PCDH15: variants seen among roughly 807,000 people sequenced by gnomAD.
The protein encoded by PCDH15 is protocadherin related 15.
PCDH15 carries 129 observed loss-of-function variants against 178.5 expected under a neutral mutation model. The observed-to-expected ratio is 0.72, with a 90% CI of 0.63 to 0.84. PCDH15 has a LOEUF of 0.84. Among genes scored for constraint, PCDH15 ranks in the 40% least tolerant of loss-of-function variants. The probability of loss-of-function intolerance (pLI) is 0.00; values close to 1 mark genes in which losing one functional copy is unlikely to be tolerated. For missense variants in PCDH15, 2,230 were observed against 2,099.9 expected (o/e 1.06, Z -1.21); for synonymous variants, 800 against 732.0 (o/e 1.09, Z -1.50).
chr10:53,939,895 A>T (rs2085904786), intron 24 of PCDH15, among the ~76,000 whole-genome samples: 1 of 152,172 alleles, frequency 6.6e-6, no homozygotes, highest in Non-Finnish European at 1.5e-5. Context: ...TCATAGCTTT[A>T]GTCAGATGTT....
At chr10:54,895,025 A>T (rs1006774100) in intron 3 of PCDH15, among the ~76,000 whole-genome samples, 1 of 152,210 alleles carries the variant, frequency 6.6e-6, no homozygotes, top group Non-Finnish European at 1.5e-5. Flanking sequence ...CAGAATCAAG[A>T]ATAAAAATTC....
At chr10:54,674,090 A>G (rs2094733715) in intron 1 of PCDH15, among the ~76,000 whole-genome samples, 1 of 152,174 alleles carries the variant, frequency 6.6e-6, no homozygotes, top group African/African-American at 2.4e-5. Flanking sequence ...AAAGTTTCAT[A>G]CTATATCAAT....
chr10:54,181,866 T>C (rs778720437), intron 13 of PCDH15, among the ~76,000 whole-genome samples: 5 of 152,188 alleles, frequency 3.3e-5, no homozygotes, highest in African/African-American at 7.2e-5. Context: ...ACCCCTTCTA[T>C]AGAACTCAAG....
At chr10:55,264,973 C>G (rs1037352793) in intron 1 of PCDH15, among the ~76,000 whole-genome samples, 1 of 152,114 alleles carries the variant, frequency 6.6e-6, no homozygotes, top group African/African-American at 2.4e-5. Flanking sequence ...TCAGGGAAGG[C>G]TGCAAGGGGC....
chr10:54,060,187 AAC>A (rs2093984319), intron 18 of PCDH15, among the ~76,000 whole-genome samples: 1 of 152,218 alleles, frequency 6.6e-6, no homozygotes, highest in Non-Finnish European at 1.5e-5. Flanking sequence ...AGCTTTGGCT[AAC>A]ACACTTAAAA....
chr10:54,359,067 G>A (rs1026546829), intron 5 of PCDH15, among the ~76,000 whole-genome samples: 18 of 150,306 alleles, frequency 1.2e-4, no homozygotes, highest in Admixed American at 5.3e-4. Context: ...GCTAAATGAC[G>A]AGTTAATGGG....
chr10:54,557,340 TTG>T (rs1213042187), intron 2 of PCDH15, among the ~76,000 whole-genome samples: 1 of 152,106 alleles, frequency 6.6e-6, no homozygotes, highest in African/African-American at 2.4e-5. Flanking sequence ...TACCAAAAAA[TTG>T]TTATCTTTGT....
At chr10:54,177,763 A>G (rs1162161273) in intron 13 of PCDH15, among the ~76,000 whole-genome samples, 1 of 152,188 alleles carries the variant, frequency 6.6e-6, no homozygotes, top group Non-Finnish European at 1.5e-5. Flanking sequence ...GGTGTGCATC[A>G]TGATATAGCT....
At chr10:55,600,856 C>A (rs925262634) in intron 2 of PCDH15, among the ~76,000 whole-genome samples, 7 of 151,860 alleles carry the variant, frequency 4.6e-5, no homozygotes, top group Non-Finnish European at 1.0e-4. Context: ...TGCCCTTCTC[C>A]TTTTTTAAAA....
At chr10:55,010,866 T>C (rs1322810142) in intron 2 of PCDH15, among the ~76,000 whole-genome samples, 1 of 152,174 alleles carries the variant, frequency 6.6e-6, no homozygotes, top group Admixed American at 6.6e-5. Context: ...GTCTCTGGAC[T>C]CTTTCTCTTT....
intron 2 of PCDH15, among the ~76,000 whole-genome samples, chr10:55,521,740 A>C (rs1169207903): frequency 1.3e-5 from 2 of 151,956 alleles, no homozygotes; most frequent in Admixed American, 1.3e-4. Flanking sequence ...ATGGTGATAC[A>C]TCACAATAAA....
At chr10:54,452,649 G>A (rs2076552498) in intron 3 of PCDH15, 1 of 151,734 alleles carries the variant, frequency 6.6e-6, no homozygotes, top group Non-Finnish European at 1.5e-5. Context: ...CCATTCTAGA[G>A]CTGATTCACA....
At chr10:55,422,137 C>T (rs1241248103) in intron 2 of PCDH15, among the ~76,000 whole-genome samples, 1 of 151,744 alleles carries the variant, frequency 6.6e-6, no homozygotes, top group African/African-American at 2.4e-5. Context: ...CTACCCACAG[C>T]CCATAACAAC....
intron 3 of PCDH15, among the ~76,000 whole-genome samples, chr10:54,874,241 C>T (rs1453881807): frequency 1.0e-4 from 14 of 139,224 alleles, no homozygotes; most frequent in East Asian, 4.2e-4. Flanking sequence ...TTTGTTCTTG[C>T]GATAGTTTAC....
intron 2 of PCDH15, among the ~76,000 whole-genome samples, chr10:55,353,449 T>A (rs913780345): frequency 2.0e-5 from 3 of 152,118 alleles, no homozygotes; most frequent in Admixed American, 1.3e-4. Context: ...GGTTATTAAA[T>A]AAAAAATATC....
intron 2 of PCDH15, among the ~76,000 whole-genome samples, chr10:55,024,248 T>C (rs1426607482): frequency 6.8e-6 from 1 of 147,690 alleles, no homozygotes; most frequent in Non-Finnish European, 1.5e-5. Flanking sequence ...CAGATATGTA[T>C]CTGTGTACAC....
chr10:55,620,011 C>T (rs1416258417), intron 2 of PCDH15, among the ~76,000 whole-genome samples: 2 of 152,050 alleles, frequency 1.3e-5, no homozygotes, highest in African/African-American at 4.8e-5. Context: ...TCTTGCCCAA[C>T]CCTTCCTCTA....
chr10:55,327,825 G>GT (rs1268362547), intron 2 of PCDH15, among the ~76,000 whole-genome samples: 2 of 151,854 alleles, frequency 1.3e-5, no homozygotes, highest in Non-Finnish European at 2.9e-5. Flanking sequence ...AAATGTGTTT[G>GT]TTTTTTTGTT....
chr10:54,046,134 C>T lies in PCDH15; in HGVS notation c.2220+20623G>A, dbSNP rs139648942. 6.2e-3 allele frequency among the ~76,000 whole-genome samples: 946 copies of T among 152,160 alleles called. 6 individuals carry two copies. Among genetic ancestry groups the T allele is most frequent in the African/African-American group, 0.022 (896 of 41,532 alleles). ...CAAAATGCTAATCACGATCATAATG[C>T]GATATCACTGAAACCGTAACAAGGT... On this transcript the variant is annotated intron_variant, in intron 18 of 37. Transcript: ENST00000644397.
Sources: gnomAD v4.1 joint callset for allele counts (sites outside exome capture counted in the v4.1 genomes callset) on GRCh38, gnomAD v4.1.1 for gene constraint, MANE v1.5 for transcripts, NCBI Gene and HGNC (gene_info 2026-07-23, HGNC 2026-07-21) for gene names.